TENM2: variants seen among roughly 807,000 people sequenced by gnomAD.
TENM2 encodes teneurin-2.
Under a neutral mutation model 245.2 loss-of-function variants are expected in TENM2, and 52 were observed. The ratio of observed to expected loss-of-function variants is 0.21; its 90% CI spans 0.17 to 0.27. The LOEUF is 0.27. Ranked by LOEUF, TENM2 falls within the 10% of genes least tolerant of loss-of-function variation. The probability of loss-of-function intolerance (pLI) is 1.00; values close to 1 mark genes in which losing one functional copy is unlikely to be tolerated. For missense variants in TENM2, 3,046 were observed against 3,666.8 expected (o/e 0.83, Z 4.37); for synonymous variants, 1,363 against 1,438.9 (o/e 0.95, Z 1.19).
intron 2 of TENM2, among the ~76,000 whole-genome samples, chr5:167,586,043 G>A (rs1008688620): frequency 6.6e-6 from 1 of 152,122 alleles, no homozygotes; most frequent in African/African-American, 2.4e-5. Context: ...AAGATTGCTT[G>A]AGCCCAGAAG....
chr5:167,508,384 G>A (rs1027925598), intron 2 of TENM2, among the ~76,000 whole-genome samples: 5 of 152,120 alleles, frequency 3.3e-5, no homozygotes, highest in Middle Eastern at 3.2e-3. Context: ...TTAACTATGC[G>A]CCACAGTCCT....
the TENM2 span, among the ~76,000 whole-genome samples, chr5:167,276,396 G>A: frequency 1.2e-3 from 177 of 150,042 alleles, no homozygotes; most frequent in Middle Eastern, 6.9e-3. Flanking sequence ...GTGTGTGTGT[G>A]TATCTGAGAG....
At chr5:168,160,204 C>T (rs1562231506) in intron 12 of TENM2, among the ~76,000 whole-genome samples, 3 of 152,326 alleles carry the variant, frequency 2.0e-5, no homozygotes, top group South Asian at 2.1e-4. Flanking sequence ...TCCTTGAGAA[C>T]CTGTGAAATG....
the TENM2 span, among the ~76,000 whole-genome samples, chr5:167,249,427 G>A: frequency 2.0e-3 from 306 of 152,004 alleles, no homozygotes; most frequent in African/African-American, 7.0e-3. Context: ...ATTTTTTCCC[G>A]TTCTTCTTTC....
intron 2 of TENM2, among the ~76,000 whole-genome samples, chr5:167,782,489 T>C (rs1764265085): frequency 6.6e-6 from 1 of 152,110 alleles, no homozygotes; most frequent in African/African-American, 2.4e-5. Context: ...TGTGCAGCCC[T>C]GGGAAGGTGA....
At chr5:167,605,541 A>G (rs1776972466) in intron 2 of TENM2, among the ~76,000 whole-genome samples, 1 of 150,740 alleles carries the variant, frequency 6.6e-6, no homozygotes, top group Non-Finnish European at 1.5e-5. Context: ...GCTGCTGAGC[A>G]TAGTTAGGCC....
intron 2 of TENM2, among the ~76,000 whole-genome samples, chr5:167,821,545 A>G (rs892182223): frequency 1.3e-5 from 2 of 152,192 alleles, no homozygotes; most frequent in Admixed American, 6.5e-5. Flanking sequence ...TCTATATAGC[A>G]CACTAAAATT....
intron 2 of TENM2, among the ~76,000 whole-genome samples, chr5:167,861,493 G>A (rs1771801114): frequency 6.6e-6 from 1 of 152,182 alleles, no homozygotes; most frequent in Non-Finnish European, 1.5e-5. Context: ...ATCGTCACAT[G>A]CGAAGAACAG....
chr5:167,883,874 G>C (rs1435705366), intron 3 of TENM2, among the ~76,000 whole-genome samples: 1 of 152,178 alleles, frequency 6.6e-6, no homozygotes, highest in Non-Finnish European at 1.5e-5. Context: ...TTCTTGGGTT[G>C]AATCAAAGGA....
intron 5 of TENM2, among the ~76,000 whole-genome samples, chr5:168,001,391 T>TATTACAAA (rs1214063413): frequency 6.6e-6 from 1 of 152,232 alleles, no homozygotes; most frequent in Non-Finnish European, 1.5e-5. Context: ...TACAAAAGTG[T>TATTACAAA]AGCAGAATTT....
At chr5:167,956,785 C>T (rs562174115) in intron 4 of TENM2, among the ~76,000 whole-genome samples, 62 of 151,674 alleles carry the variant, frequency 4.1e-4, no homozygotes, top group Non-Finnish European at 7.2e-4. Flanking sequence ...TATTGATTTG[C>T]GTATGTTGAA....
At chr5:168,118,270 G>A in intron 9 of TENM2, 22 bp from the exon 12 acceptor site, 2 of 1,500,648 alleles carry the variant, frequency 1.3e-6, no homozygotes, top group African/African-American at 1.4e-5. Flanking sequence ...GTGACCTAGT[G>A]CTCTGTCTTT....
At chr5:167,326,631 C>T (rs1417961147) in intron 1 of TENM2, among the ~76,000 whole-genome samples, 1 of 150,942 alleles carries the variant, frequency 6.6e-6, no homozygotes, top group Non-Finnish European at 1.5e-5. Context: ...CGAGTTCATG[C>T]CACTGCACTC....
At chr5:167,180,103 CT>C in the TENM2 span, among the ~76,000 whole-genome samples, 3,805 of 114,882 alleles carry the variant, frequency 0.033, 38 homozygotes, top group African/African-American at 0.051. Context: ...TAAGTGCTTC[CT>C]TTTTTTTTTT....
At chr5:167,802,268 G>T (rs1444903007) in intron 2 of TENM2, among the ~76,000 whole-genome samples, 1 of 151,930 alleles carries the variant, frequency 6.6e-6, no homozygotes, top group Non-Finnish European at 1.5e-5. Flanking sequence ...AGTAAGTGAG[G>T]GACGCTTCAT....
intron 2 of TENM2, among the ~76,000 whole-genome samples, chr5:167,583,656 A>G (rs933870179): frequency 6.6e-6 from 1 of 152,216 alleles, no homozygotes; most frequent in African/African-American, 2.4e-5. Context: ...TGGAGCACTT[A>G]CAACGCATAA....
the TENM2 span, among the ~76,000 whole-genome samples, chr5:166,989,676 G>T: frequency 6.6e-6 from 1 of 151,542 alleles, no homozygotes; most frequent in African/African-American, 2.4e-5. Flanking sequence ...ACAGACGTGA[G>T]CCACTGCACC....
chr5:167,826,085 T>C lies in TENM2; in HGVS notation c.503-49901T>C, dbSNP rs144384545. Reference sequence around the variant, plus strand: ...AGAATTTGGCCTCTTACCCCTAGCATGTGCAAAAAAACAAACAAACTAGCA... The same window carrying C: ...AGAATTTGGCCTCTTACCCCTAGCACGTGCAAAAAAACAAACAAACTAGCA... On this transcript the variant is annotated intron_variant, in intron 2 of 28. Transcript: ENST00000518659. Among the ~76,000 whole-genome samples, 1,057 of 152,172 alleles carry C rather than the reference T, an allele frequency of 6.9e-3. 11 individuals are homozygous for C. Among genetic ancestry groups the C allele is most frequent in the African/African-American group, 0.024 (993 of 41,532 alleles).
At chr5:167,961,057 A>C (rs1015997064) in intron 4 of TENM2, among the ~76,000 whole-genome samples, 11 of 152,152 alleles carry the variant, frequency 7.2e-5, no homozygotes, top group Admixed American at 1.3e-4. Flanking sequence ...TAGTGAGATG[A>C]GCCTAGTACT....
Sources: allele counts gnomAD v4.1 joint callset (sites outside exome capture counted in the v4.1 genomes callset), GRCh38; gene constraint gnomAD v4.1.1; transcripts MANE v1.5; gene names NCBI Gene and HGNC (gene_info 2026-07-23, HGNC 2026-07-21).